Variants in SEMA4D observed in about 807,000 individuals in gnomAD.
The protein encoded by SEMA4D is semaphorin-4D.
A neutral mutation model predicts 74.8 loss-of-function variants in SEMA4D; 22 were observed. The observed-to-expected ratio is 0.29, with a 90% CI of 0.21 to 0.42. The LOEUF (loss-of-function observed/expected upper bound fraction) is 0.42, where lower values mean the gene tolerates loss of function less well. SEMA4D is among the 10% of genes least tolerant of loss of function. SEMA4D has a pLI of 1.00. For missense variants in SEMA4D, 937 were observed against 1,118.4 expected (o/e 0.84, Z 2.31); for synonymous variants, 445 against 463.7 (o/e 0.96, Z 0.52).
chr9:89,405,252 G>T, intron 3 of SEMA4D, 99 bp downstream of exon 3: 1 of 984,782 alleles, frequency 1.0e-6, no homozygotes. Flanking sequence ...ATTCCAGGAA[G>T]TGGGGTCCCT....
intron 16 of SEMA4D, among the ~76,000 whole-genome samples, chr9:89,370,420 G>GGC (rs1834390581): frequency 6.6e-6 from 1 of 150,716 alleles, no homozygotes; most frequent in South Asian, 2.1e-4. Context: ...TGGTGTGTTT[G>GGC]TGGTGTGTGG....
chr9:89,453,622 C>T (rs977173441), intron 2 of SEMA4D, among the ~76,000 whole-genome samples: 28 of 152,304 alleles, frequency 1.8e-4, no homozygotes, highest in African/African-American at 6.5e-4. Context: ...ACCATCTGGT[C>T]GCGGCCCTCG....
rs114658242 is a variant in SEMA4D, at chr9:89,427,292, T to A, written c.-243-21593A>T. The stretch of plus-strand genomic sequence containing the variant: ...AGGGGGGCAGCCTAAAATGATACAG[T>A]CAGTCACTCAGGTCCATCCAACCCC... On this transcript the variant is annotated intron_variant, in intron 2 of 15. Transcript: ENST00000422704. Among the ~76,000 whole-genome samples, 1,355 of 152,170 alleles carry A rather than the reference T, an allele frequency of 8.9e-3. 22 individuals are homozygous for A. The highest frequency in any genetic ancestry group is 0.03 in the African/African-American group (1,260 of 41,498).
intron 1 of SEMA4D, among the ~76,000 whole-genome samples, chr9:89,466,515 G>A (rs1858753068): frequency 2.6e-5 from 4 of 152,156 alleles, no homozygotes; most frequent in Admixed American, 2.6e-4. Flanking sequence ...ACCGAGGGCT[G>A]CCCATGACCT....
At chr9:89,460,968 G>C (rs1258665703) in intron 1 of SEMA4D, among the ~76,000 whole-genome samples, 2 of 152,162 alleles carry the variant, frequency 1.3e-5, no homozygotes, top group Non-Finnish European at 2.9e-5. Flanking sequence ...CAGAGAGAAA[G>C]GGCTCCCAGG....
At position 89,484,438 on chromosome 9, in the gene SEMA4D, AGTGTGTGTT is replaced by A. The variant is rs1210351329; in HGVS notation, c.-310+13472_-310+13480del. ...TGGTGTGTGTGGTGTGTATGTGTAC[AGTGTGTGTT>A]GTGTGTGTTTTGTGTGTGTGTGTGG... On this transcript the variant is annotated intron_variant, in intron 1 of 15. Transcript: ENST00000422704. This position sits in a 1 kb window ranked among gnomAD's most constrained non-coding sequence, Gnocchi z 4.1. 6.8e-6 allele frequency among the ~76,000 whole-genome samples: 1 copy of A among 147,064 alleles called. No individual in the cohort carries two copies. Among genetic ancestry groups the A allele is most frequent in the African/African-American group, 2.5e-5 (1 of 39,584 alleles).
chr9:89,420,505 C>G (rs1046336547), intron 2 of SEMA4D, among the ~76,000 whole-genome samples: 1 of 152,224 alleles, frequency 6.6e-6, no homozygotes, highest in African/African-American at 2.4e-5. Context: ...TGGTGCACCC[C>G]CTCTAGTGCA....
intron 16 of SEMA4D, among the ~76,000 whole-genome samples, chr9:89,370,806 ATGTGTGTGGGTGTGG>A (rs1423836163): frequency 1.1e-5 from 1 of 92,504 alleles, no homozygotes; most frequent in African/African-American, 4.4e-5. Flanking sequence ...GGGGTGTGGC[ATGTGTGTGGGTGTGG>A]TGTGTGTCTG....
downstream of SEMA4D, among the ~76,000 whole-genome samples, chr9:89,374,808 T>A (rs1354012386): frequency 6.6e-6 from 1 of 152,088 alleles, no homozygotes; most frequent in Non-Finnish European, 1.5e-5. Context: ...ATCCCAGCAC[T>A]TTGGGAGGCC....
chr9:89,405,373 G>C lies in SEMA4D; in HGVS notation c.84C>G (p.Pro28=), dbSNP rs1225293097. 1.2e-6 allele frequency: 2 copies of C among 1,614,074 alleles called. No individual in the cohort carries two copies. The highest frequency in any genetic ancestry group is 1.7e-6 in the Non-Finnish European group (2 of 1,179,936). ...FGTAMAFAPI[P]RITWEHREVH... is the part of the protein sequence containing the mutation. ...CACCTCTGTGCTCCCAGGTGATCCG[G>C]GGTATGGGTGCAAATGCCATCGCTG... The change falls in exon 3 of 16, where the codon CCC becomes CCG. Residue 28 remains proline, a synonymous_variant. Transcript: ENST00000422704.
Position 89,405,549 on chromosome 9 carries a change from C to T in SEMA4D, c.-93G>A. 1.3e-6 allele frequency: 2 copies of T among 1,546,334 alleles called. No homozygotes were observed. Among genetic ancestry groups the T allele is most frequent in the Non-Finnish European group, 1.7e-6 (2 of 1,150,890 alleles). On this transcript the variant is annotated 5_prime_UTR_variant, in exon 3 of 16. Transcript: ENST00000422704. ...CTATTGCAGATGCGGCTCAGCGCCC[C>T]AGGACCAGGGCCAGCAGCACAGCCT...
chr9:89,366,788 A>T (rs1179285919), intron 16 of SEMA4D, among the ~76,000 whole-genome samples: 1 of 152,210 alleles, frequency 6.6e-6, no homozygotes, highest in Non-Finnish European at 1.5e-5. Context: ...TTGAACAGAC[A>T]GTGAAGTGAG....
intron 2 of SEMA4D, chr9:89,450,660 GAAAAAAAAAAAA>G (rs71358578): frequency 0.059 from 25,003 of 426,782 alleles, 157 homozygotes; most frequent in Non-Finnish European, 0.064. Context: ...AAAAACCCAG[GAAAAAAAAAAAA>G]AAAAAAAAAA....
chr9:89,372,618 G>A (rs935690703), downstream of SEMA4D, among the ~76,000 whole-genome samples: 2 of 151,952 alleles, frequency 1.3e-5, no homozygotes, highest in Admixed American at 6.6e-5. Context: ...TGAGGCAGTC[G>A]GCCACTCCCA....
Position 89,405,515 on chromosome 9 carries a change from G to T in SEMA4D, c.-59C>A. ...AAGGCTCACGGCAGCAGGTGGCCGG[G>T]CAGGTGTGCTATTGCAGATGCGGCT... is the stretch of plus-strand genomic sequence containing the variant. On this transcript the variant is annotated 5_prime_UTR_variant, in exon 3 of 16. Transcript: ENST00000422704. 6.2e-7 allele frequency: 1 copy of T among 1,601,884 alleles called. No homozygotes were observed. Among genetic ancestry groups the T allele is most frequent in the Middle Eastern group, 1.7e-4 (1 of 5,962 alleles).
intron 1 of SEMA4D, among the ~76,000 whole-genome samples, chr9:89,480,224 A>G (rs547424051): frequency 6.6e-6 from 1 of 151,784 alleles, no homozygotes; most frequent in South Asian, 2.1e-4. Flanking sequence ...GCAGCTAGAT[A>G]CAGAGTGTCG....
intron 1 of SEMA4D, among the ~76,000 whole-genome samples, chr9:89,488,206 A>G (rs943585449): frequency 9.9e-5 from 15 of 152,208 alleles, no homozygotes; most frequent in African/African-American, 3.4e-4. Context: ...TGGTATCAAC[A>G]TAATTCACTG....
intron 8 of SEMA4D, among the ~76,000 whole-genome samples, chr9:89,392,030 C>T (rs1282961185): frequency 6.6e-6 from 1 of 152,226 alleles, no homozygotes; most frequent in East Asian, 1.9e-4. Flanking sequence ...CCCATCTGAC[C>T]GGGCACTAGA....
chr9:89,433,396 A>C (rs1458328191), intron 2 of SEMA4D, among the ~76,000 whole-genome samples: 12 of 152,180 alleles, frequency 7.9e-5, no homozygotes, highest in Admixed American at 7.9e-4. Flanking sequence ...GATAGTGGGG[A>C]GGGGTCTCCA....
Sources: allele counts gnomAD v4.1 joint callset (sites outside exome capture counted in the v4.1 genomes callset), GRCh38; gene constraint gnomAD v4.1.1; non-coding constraint Gnocchi (gnomAD v3.1); transcripts MANE v1.5; gene names NCBI Gene and HGNC (gene_info 2026-07-23, HGNC 2026-07-21).